The following LIMCH1 variants were observed in gnomAD, a reference collection of about 807,000 sequenced individuals.
The protein encoded by LIMCH1 is LIM and calponin homology domains 1.
A neutral mutation model predicts 176.5 loss-of-function variants in LIMCH1; 113 were observed. That is an observed-to-expected ratio of 0.64 (90% confidence interval 0.55 to 0.75). The LOEUF (loss-of-function observed/expected upper bound fraction) is 0.75, where lower values mean the gene tolerates loss of function less well. LIMCH1 is among the 30% of genes least tolerant of loss of function. The probability of loss-of-function intolerance (pLI) is 0.00; values close to 1 mark genes in which losing one functional copy is unlikely to be tolerated. For missense variants in LIMCH1, 1,674 were observed against 1,814.9 expected, an observed-to-expected ratio of 0.92 and a Z score of 1.41; for synonymous variants, 619 against 645.9, an observed-to-expected ratio of 0.96 and a Z score of 0.63.
chr4:41,401,962 A>G (rs1290099097), intron 1 of LIMCH1, among the ~76,000 whole-genome samples: 2 of 152,202 alleles, frequency 1.3e-5, no homozygotes, highest in African/African-American at 2.4e-5. Context: ...TAGATATACA[A>G]TCGTGTCGTC....
At chr4:41,436,434 A>G (rs910401680) in intron 1 of LIMCH1, among the ~76,000 whole-genome samples, 2 of 152,212 alleles carry the variant, frequency 1.3e-5, no homozygotes, top group Admixed American at 6.5e-5. Context: ...GCATTAAAAA[A>G]TAATGTCCAT....
chr4:41,416,925 G>C (rs976037520), intron 1 of LIMCH1, among the ~76,000 whole-genome samples: 1 of 152,178 alleles, frequency 6.6e-6, no homozygotes, highest in Non-Finnish European at 1.5e-5. Flanking sequence ...GCAGCTGAGA[G>C]ATGGTGGATC....
rs34266308 is a variant in LIMCH1 at position 41,627,019 on chromosome 4, GGTGTGTGT to G, written c.1028+36_1028+43del. On this transcript the variant is annotated intron_variant, in intron 8 of 31. Coordinates refer to ENST00000503057, the MANE Select transcript of LIMCH1 (RefSeq NM_001330672.2). ...AGTCTAGAATATAAAAGGTGTGCAT[GGTGTGTGT>G]GTGTGTGTGTGTGTGTGTGTGTGTG... 24,062 of 1,407,588 alleles carry G rather than the reference GGTGTGTGT, an allele frequency of 0.017. 79 individuals are homozygous for G. The highest frequency in any genetic ancestry group is 0.073 in the East Asian group (2,847 of 38,930). 87.2% of individuals were successfully genotyped at this position (1,407,588 alleles called of 1,614,324 possible).
chr4:41,383,255 A>G (rs951818462), intron 1 of LIMCH1, among the ~76,000 whole-genome samples: 2 of 152,332 alleles, frequency 1.3e-5, no homozygotes, highest in African/African-American at 4.8e-5. Context: ...TTAGAGAGAT[A>G]TATAATTGCT....
rs1029682596 is a variant in LIMCH1 at position 41,632,921 on chromosome 4, C to T, written c.1720+54C>T. 5.2e-6 allele frequency: 8 copies of T among 1,528,390 alleles called. No homozygotes were observed. In the African/African-American group the frequency reaches 8.2e-5, roughly 16 times the overall value. The allele number at this position is 1,528,390 out of a possible 1,614,324, so 94.7% of individuals were successfully genotyped here. A position where few individuals can be genotyped will look rare whatever the true frequency, so the allele number is the denominator to read the frequency against. ...GGAGGTGAAGGAGGACAGGTGGGGT[C>T]AGAGCCTCTGGTGTGAATTCTTTCC... is the stretch of plus-strand genomic sequence containing the variant. On this transcript the variant is annotated intron_variant, in intron 11 of 31. Coordinates refer to ENST00000503057, the MANE Select transcript of LIMCH1 (RefSeq NM_001330672.2).
intron 1 of LIMCH1, among the ~76,000 whole-genome samples, chr4:41,392,295 G>T (rs376925065): frequency 6.6e-6 from 1 of 152,088 alleles, no homozygotes. Flanking sequence ...AAAAAATAAA[G>T]CAGGAAAGAA....
chr4:41,486,513 A>G (rs754509386), intron 1 of LIMCH1, among the ~76,000 whole-genome samples: 1 of 152,216 alleles, frequency 6.6e-6, no homozygotes, highest in Admixed American at 6.5e-5. Flanking sequence ...TATAGTTAGT[A>G]TATAGAATGT....
chr4:41,579,478 T>G (rs1411498059), intron 1 of LIMCH1, among the ~76,000 whole-genome samples: 4 of 152,234 alleles, frequency 2.6e-5, no homozygotes, highest in Non-Finnish European at 4.4e-5. Context: ...TAATCTGCTT[T>G]TCAAATGGCA....
At position 41,541,702 on chromosome 4, in the gene LIMCH1, C is replaced by T. The variant is rs539821656; in HGVS notation, c.-241+3352C>T. 1.2e-4 allele frequency among the ~76,000 whole-genome samples: 18 copies of T among 152,302 alleles called. No individual in the cohort carries two copies. The East Asian group carries it at 2.3e-3, about 20-fold the overall frequency. Reference sequence around the variant, plus strand: ...TTTTTGGATCTCTGCTTTCTGTAAGCAGTCATTTCTTCCACAGCAGCCATC... The same window carrying T: ...TTTTTGGATCTCTGCTTTCTGTAAGTAGTCATTTCTTCCACAGCAGCCATC... On this transcript the variant is annotated intron_variant, in intron 1 of 31. Coordinates refer to ENST00000503057, the MANE Select transcript of LIMCH1 (RefSeq NM_001330672.2).
chr4:41,572,304 G>A (rs1340173344), intron 1 of LIMCH1, among the ~76,000 whole-genome samples: 2 of 152,180 alleles, frequency 1.3e-5, no homozygotes, highest in African/African-American at 4.8e-5. Flanking sequence ...AGAAACCACA[G>A]AGAAACAAAA....
chr4:41,665,059 T>C (rs2094775738), intron 20 of LIMCH1, among the ~76,000 whole-genome samples: 1 of 152,218 alleles, frequency 6.6e-6, no homozygotes, highest in Admixed American at 6.5e-5. Context: ...AACACTTTTC[T>C]CACTTAGACT....
At chr4:41,619,034 T>C (rs151306257) in intron 5 of LIMCH1, among the ~76,000 whole-genome samples, 154 bp from the exon 6 acceptor site, 77 of 152,010 alleles carry the variant, frequency 5.1e-4, no homozygotes, top group African/African-American at 1.7e-3. Flanking sequence ...AATCTACATG[T>C]GTAACAAATC....
rs2092192616 is a variant in LIMCH1, at chr4:41,617,340, T to G, written c.206-1848T>G. Among the ~76,000 whole-genome samples, 5 of 152,298 alleles carry G rather than the reference T, an allele frequency of 3.3e-5. 1 individual carries two copies. In the South Asian group the frequency reaches 1.0e-3, roughly 32 times the overall value. On this transcript the variant is annotated intron_variant, in intron 5 of 31. Transcript: ENST00000503057. ...AGTCAAGAGAACAGAAAGTAGAGTT[T>G]CAGAACTGTCACTAACCAGCCCTGC...
At chr4:41,441,604 C>T (rs2062711174) in intron 1 of LIMCH1, among the ~76,000 whole-genome samples, 1 of 152,144 alleles carries the variant, frequency 6.6e-6, no homozygotes, top group Non-Finnish European at 1.5e-5. Context: ...AAATTAGAAA[C>T]AGGATCTTTC....
chr4:41,602,735 G>A (rs1406425386), intron 2 of LIMCH1, among the ~76,000 whole-genome samples: 2 of 151,906 alleles, frequency 1.3e-5, no homozygotes, highest in Admixed American at 1.3e-4. Flanking sequence ...TTGAACCTAG[G>A]AGGTGTAGGT....
In LIMCH1 at chr4:41,644,588, A is replaced by T. The variant is rs1440294342; in HGVS notation, c.2215A>T (p.Asn739Tyr). 1 of 1,612,108 alleles carries T rather than the reference A, an allele frequency of 6.2e-7. No homozygotes were observed. The highest frequency in any genetic ancestry group is 1.1e-5 in the South Asian group (1 of 90,412). ...CCGCCAGGAGCAGCTGCAGCTGATA[A>T]ATAACCAGCTGAGGGAAGAGGACGA... ...RARQEQLQLI[N>Y]NQLREEDDKW... Residue 739 changes from asparagine (N) to tyrosine (Y), a missense_variant, in exon 15 of 32, where the codon AAT becomes TAT. Asn to Tyr is a moderately radical substitution (Grantham distance 143). Around this residue, in one of 3 missense-constraint regions of LIMCH1, gnomAD observed 1,015 missense variants for 1,102.5 expected, o/e 0.92. Transcript: ENST00000503057.
intron 1 of LIMCH1, among the ~76,000 whole-genome samples, chr4:41,569,022 TC>T (rs1228688328): frequency 6.6e-6 from 1 of 152,216 alleles, no homozygotes; most frequent in Non-Finnish European, 1.5e-5. Context: ...ATTTAGTGCT[TC>T]TTAACATTGT....
At chr4:41,466,547 G>A (rs945948048) in intron 1 of LIMCH1, among the ~76,000 whole-genome samples, 2 of 152,160 alleles carry the variant, frequency 1.3e-5, no homozygotes, top group Admixed American at 6.6e-5. Context: ...GAAACAGTTC[G>A]GTTCCTCAGC....
chr4:41,565,360 C>G (rs1049634606), intron 1 of LIMCH1, among the ~76,000 whole-genome samples: 5 of 146,924 alleles, frequency 3.4e-5, no homozygotes, highest in Admixed American at 6.7e-5. Flanking sequence ...CACACACACA[C>G]ACACACACAC....
Sources: allele counts gnomAD v4.1 joint callset (sites outside exome capture counted in the v4.1 genomes callset), GRCh38; gene constraint gnomAD v4.1.1; regional missense constraint gnomAD v4.1.1; transcripts MANE v1.5; gene names NCBI Gene and HGNC (gene_info 2026-07-23, HGNC 2026-07-21).